The following MYO1E variants were observed in gnomAD, a reference collection of about 807,000 sequenced individuals.
The protein encoded by MYO1E is myosin IE, also known as unconventional myosin-Ie.
In MYO1E, 68 loss-of-function variants were observed where a neutral mutation model predicts 151.1. That is an observed-to-expected ratio of 0.45 (90% CI 0.37 to 0.55). MYO1E has a LOEUF of 0.55. MYO1E is among the 20% of genes least tolerant of loss of function. MYO1E has a pLI of 0.00. For missense variants in MYO1E, 1,363 were observed against 1,389.3 expected (o/e 0.98, Z 0.30); for synonymous variants, 601 against 501.7 (o/e 1.20, Z -2.64).
intron 1 of MYO1E, among the ~76,000 whole-genome samples, chr15:59,338,260 C>A (rs1318629624): frequency 6.9e-6 from 1 of 145,864 alleles, no homozygotes; most frequent in Non-Finnish European, 1.5e-5. Flanking sequence ...TTTATAATAG[C>A]TATATAAACT....
intron 1 of MYO1E, among the ~76,000 whole-genome samples, chr15:59,358,353 T>C (rs150284706): frequency 3.7e-4 from 57 of 152,332 alleles, no homozygotes; most frequent in African/African-American, 1.2e-3. Flanking sequence ...GTGCAAACTA[T>C]GTCTCCTGCC....
At chr15:59,256,915 A>G (rs975994635) in intron 3 of MYO1E, among the ~76,000 whole-genome samples, 1 of 152,184 alleles carries the variant, frequency 6.6e-6, no homozygotes, top group African/African-American at 2.4e-5. Flanking sequence ...AAATCTTTCC[A>G]TAAGAAGAGG....
intron 26 of MYO1E, among the ~76,000 whole-genome samples, chr15:59,143,936 C>A (rs1292652069): frequency 6.6e-6 from 1 of 152,210 alleles, no homozygotes; most frequent in African/African-American, 2.4e-5. Flanking sequence ...TCCTAGCCCA[C>A]GGCTTCTCCA....
chr15:59,315,659 T>C (rs1409800017), intron 1 of MYO1E, among the ~76,000 whole-genome samples: 1 of 152,184 alleles, frequency 6.6e-6, no homozygotes, highest in East Asian at 1.9e-4. Flanking sequence ...ACATGATACT[T>C]ATATCACTTC....
intron 19 of MYO1E, among the ~76,000 whole-genome samples, chr15:59,175,200 G>A (rs1338092871): frequency 2.0e-5 from 3 of 152,164 alleles, no homozygotes; most frequent in Admixed American, 6.5e-5. Context: ...ATTTAGACAC[G>A]CAAAGCTTTC....
chr15:59,209,653 G>A (rs1253823235), intron 13 of MYO1E, among the ~76,000 whole-genome samples: 1 of 151,842 alleles, frequency 6.6e-6, no homozygotes, highest in Non-Finnish European at 1.5e-5. Flanking sequence ...TCTAGCCTGG[G>A]CAACCGAGCG....
chr15:59,194,412 A>G (rs1169150631), intron 17 of MYO1E, among the ~76,000 whole-genome samples: 1 of 152,192 alleles, frequency 6.6e-6, no homozygotes, highest in Non-Finnish European at 1.5e-5. Flanking sequence ...AGGATCAGGC[A>G]TCATCTATCT....
chr15:59,271,298 C>G (rs1418720755), intron 2 of MYO1E: 2 of 152,142 alleles, frequency 1.3e-5, no homozygotes, highest in Admixed American at 1.3e-4. Flanking sequence ...CTATTCTTCC[C>G]CAAGCTTTTT....
chr15:59,158,514 G>A (rs902509741), intron 24 of MYO1E, 135 bp from the exon 25 acceptor site: 11 of 723,046 alleles, frequency 1.5e-5, no homozygotes, highest in Non-Finnish European at 2.7e-5. Flanking sequence ...AACAGTTGCA[G>A]TGGAGAAGGA....
chr15:59,208,128 T>C (rs376902926), intron 14 of MYO1E: 69 of 1,506,128 alleles, frequency 4.6e-5, no homozygotes, highest in Admixed American at 2.5e-4. Context: ...GAAGAGATCA[T>C]AGATACAGGA....
intron 22 of MYO1E, among the ~76,000 whole-genome samples, chr15:59,166,745 G>C (rs906073937): frequency 2.2e-4 from 33 of 152,286 alleles, no homozygotes; most frequent in African/African-American, 7.7e-4. Flanking sequence ...ACCAGTTTCA[G>C]AACCTTCTTA....
At chr15:59,365,844 T>A (rs1262282561) in intron 1 of MYO1E, among the ~76,000 whole-genome samples, 1 of 152,162 alleles carries the variant, frequency 6.6e-6, no homozygotes, top group African/African-American at 2.4e-5. Context: ...TGTTCCGCCT[T>A]TGAGGCACAA....
intron 1 of MYO1E, among the ~76,000 whole-genome samples, chr15:59,301,582 T>G (rs1369285513): frequency 1.3e-5 from 2 of 152,252 alleles, no homozygotes; most frequent in African/African-American, 2.4e-5. Flanking sequence ...TGAAGAGATC[T>G]TCTTGGATGC....
intron 13 of MYO1E, among the ~76,000 whole-genome samples, chr15:59,209,236 G>A (rs931175178): frequency 2.6e-5 from 4 of 152,222 alleles, no homozygotes; most frequent in East Asian, 3.9e-4. Flanking sequence ...CATCATTTCG[G>A]TAGTTATTTA....
chr15:59,230,215 A>AT (rs1491451289), intron 6 of MYO1E, among the ~76,000 whole-genome samples: 172 of 118,408 alleles, frequency 1.5e-3, no homozygotes, highest in Non-Finnish European at 2.3e-3. Context: ...AGAGAGAGAC[A>AT]GTGTGTGTTT....
intron 1 of MYO1E, among the ~76,000 whole-genome samples, chr15:59,332,858 C>G (rs1365385821): frequency 2.0e-5 from 3 of 152,064 alleles, no homozygotes; most frequent in African/African-American, 7.2e-5. Flanking sequence ...CCACCACGAC[C>G]GGCCCTGGGA....
At position 59,214,632 on chromosome 15, in the gene MYO1E, G is replaced by A; in HGVS notation, c.1188+8C>T. ...TCCTCAACCCCTAGTTATTAAAACT[G>A]GCCTTACCTGGAATATTTCAAAGCC... is the stretch of plus-strand genomic sequence containing the variant. On this transcript the variant is annotated splice_region_variant and intron_variant, in intron 11 of 27. Transcript: ENST00000288235. 1 of 1,599,820 alleles carries A rather than the reference G, an allele frequency of 6.3e-7. No individual in the cohort carries two copies. The highest frequency in any genetic ancestry group is 2.2e-5 in the East Asian group (1 of 44,788).
chr15:59,325,215 T>C (rs867035005), intron 1 of MYO1E, among the ~76,000 whole-genome samples: 2 of 152,154 alleles, frequency 1.3e-5, no homozygotes, highest in African/African-American at 2.4e-5. Flanking sequence ...GTTGTATTTT[T>C]AGTAGAGAGA....
At chr15:59,236,363 A>ATAT (rs1555413419) in intron 5 of MYO1E, among the ~76,000 whole-genome samples, 20 of 60,766 alleles carry the variant, frequency 3.3e-4, no homozygotes, top group South Asian at 7.8e-4. Context: ...AAAAAAAAAA[A>ATAT]ATATATACAC....
Sources: gnomAD v4.1 joint callset for allele counts (sites outside exome capture counted in the v4.1 genomes callset) on GRCh38, gnomAD v4.1.1 for gene constraint, MANE v1.5 for transcripts, NCBI Gene and HGNC (gene_info 2026-07-23, HGNC 2026-07-21) for gene names.